SGCD: variants seen among roughly 807,000 people sequenced by gnomAD.
SGCD encodes delta-sarcoglycan.
SGCD carries 18 observed loss-of-function variants against 36.6 expected under a neutral mutation model. The ratio of observed to expected loss-of-function variants is 0.49; its 90% confidence interval spans 0.34 to 0.73. The LOEUF is 0.73. SGCD is among the 30% of genes least tolerant of loss of function. The pLI, the probability that SGCD is intolerant of heterozygous loss-of-function variation, is 0.01. For synonymous variants in SGCD, 133 were observed against 130.6 expected (o/e 1.02, Z -0.12); for missense variants, 387 against 346.7 (o/e 1.12, Z -0.92).
intron 1 of SGCD, among the ~76,000 whole-genome samples, chr5:155,991,560 A>C (rs1322900647): frequency 1.3e-5 from 2 of 152,204 alleles, no homozygotes; most frequent in Non-Finnish European, 2.9e-5. Flanking sequence ...AGATAATTTA[A>C]AAAGATTACA....
intron 1 of SGCD, among the ~76,000 whole-genome samples, chr5:156,015,696 T>A (rs1758958239): frequency 6.6e-6 from 1 of 151,498 alleles, no homozygotes. Flanking sequence ...TTGTAACGAA[T>A]GAATGATATA....
intron 2 of SGCD, among the ~76,000 whole-genome samples, chr5:156,329,996 G>T (rs967202456): frequency 1.7e-5 from 2 of 117,980 alleles, no homozygotes; most frequent in African/African-American, 6.9e-5. Flanking sequence ...CAGCCTGGGC[G>T]ACAGAGCAAG....
At chr5:156,570,966 T>C (rs1759694530) in intron 4 of SGCD, among the ~76,000 whole-genome samples, 1 of 152,222 alleles carries the variant, frequency 6.6e-6, no homozygotes, top group African/African-American at 2.4e-5. Context: ...TTGTACATGT[T>C]ATGGATATTT....
chr5:155,876,448 T>C (rs1004501897), intron 1 of SGCD, among the ~76,000 whole-genome samples: 2 of 152,050 alleles, frequency 1.3e-5, no homozygotes, highest in African/African-American at 4.8e-5. Context: ...GTGGTTGTGT[T>C]ATATTTATAA....
chr5:156,741,269 C>CA (rs1756658886), intron 7 of SGCD, among the ~76,000 whole-genome samples: 1 of 152,152 alleles, frequency 6.6e-6, no homozygotes, highest in African/African-American at 2.4e-5. Flanking sequence ...ACTGTTTCAA[C>CA]AAAAACAATT....
intron 3 of SGCD, among the ~76,000 whole-genome samples, chr5:156,443,824 G>C (rs957746826): frequency 1.3e-5 from 2 of 152,126 alleles, no homozygotes; most frequent in Non-Finnish European, 2.9e-5. Context: ...CCATGAGAAA[G>C]AGCACACAGC....
intron 1 of SGCD, among the ~76,000 whole-genome samples, chr5:156,328,558 C>A (rs1037291929): frequency 2.0e-5 from 3 of 152,168 alleles, no homozygotes; most frequent in Admixed American, 2.0e-4. Flanking sequence ...CAGCATTTCT[C>A]ATTGCTTCCT....
intron 3 of SGCD, among the ~76,000 whole-genome samples, chr5:156,261,127 G>C (rs953648692): frequency 6.6e-6 from 1 of 151,982 alleles, no homozygotes; most frequent in Non-Finnish European, 1.5e-5. Flanking sequence ...TTAATCTTTT[G>C]TAGTTGTGTT....
At chr5:156,570,379 A>G (rs1044216702) in intron 4 of SGCD, among the ~76,000 whole-genome samples, 2 of 152,182 alleles carry the variant, frequency 1.3e-5, no homozygotes, top group African/African-American at 4.8e-5. Flanking sequence ...CATTCTTGCT[A>G]TTATTTGGTC....
At chr5:156,285,221 T>C (rs531422337) in intron 3 of SGCD, among the ~76,000 whole-genome samples, 6 of 152,186 alleles carry the variant, frequency 3.9e-5, no homozygotes, top group East Asian at 1.9e-4. Flanking sequence ...GTAGGAAGAA[T>C]CAATATCGTG....
intron 3 of SGCD, among the ~76,000 whole-genome samples, chr5:156,178,595 CT>C (rs1015839154): frequency 8.5e-5 from 13 of 152,074 alleles, no homozygotes; most frequent in African/African-American, 2.9e-4. Flanking sequence ...CCCATTGGGC[CT>C]TAGTTTTCCC....
At chr5:156,071,615 G>C (rs572763912) in intron 1 of SGCD, among the ~76,000 whole-genome samples, 1 of 152,160 alleles carries the variant, frequency 6.6e-6, no homozygotes, top group Non-Finnish European at 1.5e-5. Context: ...CTGTTGATTT[G>C]GGGTGGAGAG....
At chr5:156,364,675 G>A (rs1018480002) in intron 3 of SGCD, among the ~76,000 whole-genome samples, 2 of 152,098 alleles carry the variant, frequency 1.3e-5, no homozygotes, top group African/African-American at 4.8e-5. Flanking sequence ...CCCTTTGTGG[G>A]ATTTTTGCTC....
intron 3 of SGCD, among the ~76,000 whole-genome samples, chr5:156,284,030 A>G (rs1766527505): frequency 6.6e-6 from 1 of 152,178 alleles, no homozygotes; most frequent in African/African-American, 2.4e-5. Flanking sequence ...AATAAAAGTC[A>G]AGAAAGGGTA....
chr5:156,073,562 C>G (rs112496372), intron 1 of SGCD, among the ~76,000 whole-genome samples: 22 of 152,214 alleles, frequency 1.4e-4, no homozygotes, highest in African/African-American at 5.3e-4. Context: ...GACCCTGTCT[C>G]AAAAAGGTAA....
intron 3 of SGCD, among the ~76,000 whole-genome samples, chr5:156,416,326 A>G (rs78777665): frequency 0.016 from 2,449 of 152,290 alleles, 73 homozygotes; most frequent in African/African-American, 0.057. Context: ...TGAGGACACA[A>G]AGGCATAAGA....
chr5:155,999,948 T>C (rs1033719306), intron 1 of SGCD, among the ~76,000 whole-genome samples: 1 of 152,252 alleles, frequency 6.6e-6, no homozygotes, highest in Non-Finnish European at 1.5e-5. Flanking sequence ...TTATGAATCA[T>C]GTTAGCAACT....
chr5:156,203,635 C>G (rs1581166330), intron 3 of SGCD, among the ~76,000 whole-genome samples: 1 of 152,250 alleles, frequency 6.6e-6, no homozygotes, highest in East Asian at 1.9e-4. Flanking sequence ...GTATTCGTGT[C>G]TGATTTGTAA....
rs10476294 is a variant in SGCD at position 156,125,096 on chromosome 5, T to C, written c.-44+1077T>C. On this transcript the variant is annotated intron_variant, in intron 3 of 9. Coordinates refer to the SGCD transcript ENST00000517913. ...GATGATTTTATAGCTTACAACCACA[T>C]GGCATGTTCAAGAGAAGTTGTAGGA... is the stretch of plus-strand genomic sequence containing the variant. Among the ~76,000 whole-genome samples the C allele has an allele frequency of 8.2e-3, 1,254 of 152,294 alleles. 14 individuals carry two copies. Among genetic ancestry groups the C allele is most frequent in the African/African-American group, 0.029 (1,186 of 41,550 alleles).
Sources: gnomAD v4.1 joint callset for allele counts (sites outside exome capture counted in the v4.1 genomes callset) on GRCh38, gnomAD v4.1.1 for gene constraint, MANE v1.5 for transcripts, NCBI Gene and HGNC (gene_info 2026-07-23, HGNC 2026-07-21) for gene names.